KCTD2: variants seen among roughly 807,000 people sequenced by gnomAD.
The protein encoded by KCTD2 is BTB/POZ domain-containing protein KCTD2.
A neutral mutation model predicts 27.9 loss-of-function variants in KCTD2; 18 were observed. The observed-to-expected ratio is 0.64, with a 90% confidence interval of 0.45 to 0.96. The LOEUF (loss-of-function observed/expected upper bound fraction) is 0.96. Ranked by LOEUF, KCTD2 falls within the 40% of genes least tolerant of loss-of-function variation. The probability of loss-of-function intolerance (pLI) is 0.00; values close to 1 mark genes in which losing one functional copy is unlikely to be tolerated. For synonymous variants in KCTD2, 175 were observed against 148.4 expected, an observed-to-expected ratio of 1.18 and a Z score of -1.30; for missense variants, 280 against 348.0, an observed-to-expected ratio of 0.80 and a Z score of 1.56.
Position 75,056,929 on chromosome 17 carries a change from C to A in KCTD2, c.541-2581C>A, listed in dbSNP as rs1320288701. Among the ~76,000 whole-genome samples the A allele has an allele frequency of 2.0e-5, 3 of 147,282 alleles. No homozygotes were observed. In the East Asian group the frequency reaches 5.9e-4, roughly 29 times the overall value. On this transcript the variant is annotated intron_variant, in intron 3 of 5. Coordinates refer to ENST00000322444, the MANE Select transcript of KCTD2 (RefSeq NM_015353.3). ...GTGGCTGCCACCTAACTACTTTCCT[C>A]TGTTTCTTTTTTTTTCTTTTTTCTT...
At chr17:75,059,482 G>A (rs2073382186) in intron 3 of KCTD2, 28 bp from the exon 4 acceptor site, 1 of 1,564,952 alleles carries the variant, frequency 6.4e-7, no homozygotes, top group South Asian at 1.1e-5. Flanking sequence ...CCTTGGTGCT[G>A]TTCTCAGTCT....
At chr17:75,058,174 CTT>C (rs1491366598) in intron 3 of KCTD2, among the ~76,000 whole-genome samples, 3 of 151,590 alleles carry the variant, frequency 2.0e-5, no homozygotes, top group Non-Finnish European at 4.4e-5. Context: ...AAATACAAAA[CTT>C]AGCCAAGCGT....
rs144466941 is a variant in KCTD2 at position 75,047,570 on chromosome 17, C to T, written c.320C>T (p.Pro107Leu). ...FLCRLCCQED[P>L]ELDSDKDETG... ...TGCCGCCTCTGCTGCCAGGAGGACC[C>T]GGAGCTGGACTCAGACAAGGTGTGC... The change falls in exon 1 of 6, where the codon CCG (proline) becomes CTG (leucine). Residue 107 changes from proline to leucine, a missense_variant. Coordinates refer to ENST00000322444, the MANE Select transcript of KCTD2 (RefSeq NM_015353.3). 6.2e-7 allele frequency: 1 copy of T among 1,610,176 alleles called. No individual in the cohort carries two copies.
At chr17:75,051,570 C>T (rs1192620395) in intron 2 of KCTD2, among the ~76,000 whole-genome samples, 1 of 151,182 alleles carries the variant, frequency 6.6e-6, no homozygotes, top group Admixed American at 6.6e-5. Context: ...AGGCGTGAGC[C>T]ACCATGCCCG....
At chr17:75,054,182 TA>T (rs1293789403) in intron 3 of KCTD2, among the ~76,000 whole-genome samples, 1 of 151,808 alleles carries the variant, frequency 6.6e-6, no homozygotes, top group Non-Finnish European at 1.5e-5. Context: ...CACACCTGGC[TA>T]ATTTTTTGTA....
At position 75,039,865 on chromosome 17, in the gene KCTD2, G is replaced by A. The variant is rs909644085; in HGVS notation, c.-259+4508G>A. On this transcript the variant is annotated intron_variant, in intron 3 of 7. Transcript: ENST00000581589. ...CTGTAGACAAACTACATTTTCTAGA[G>A]TCTTACAAAGATGGAATCATATGCT... is the stretch of plus-strand genomic sequence containing the variant. The A allele has an allele frequency of 1.3e-5, 7 of 556,768 alleles. No homozygotes were observed. The African/African-American group carries it at 1.3e-4, about 11-fold the overall frequency. The allele number at this position is 556,768 out of a possible 1,614,324, so 34.5% of individuals were successfully genotyped here.
In KCTD2 at chr17:75,032,693, A is replaced by ACCCT. The variant is rs1461262633; in HGVS notation, c.-500_-497dup. 6.8e-6 allele frequency: 1 copy of ACCCT among 146,198 alleles called. No individual in the cohort carries two copies. The highest frequency in any genetic ancestry group is 2.2e-4 in the East Asian group (1 of 4,554). The allele number at this position is 146,198 out of a possible 1,614,324, so 9.1% of individuals were successfully genotyped here. On this transcript the variant is annotated 5_prime_UTR_variant, in exon 1 of 8. Coordinates refer to the KCTD2 transcript ENST00000581589. The surrounding 1 kb of genome is among the most constrained non-coding windows in gnomAD (Gnocchi z 4.8). ...ATCCAAGACCCAGGGAGACAAGAGG[A>ACCCT]CCCTGGGGACGAATAGGAACAGCTG... is the stretch of plus-strand genomic sequence containing the variant.
intron 3 of KCTD2, among the ~76,000 whole-genome samples, chr17:75,053,364 T>C (rs534582727): frequency 2.0e-5 from 3 of 152,220 alleles, no homozygotes; most frequent in Admixed American, 2.0e-4. Flanking sequence ...CCAGGGCACT[T>C]TAGGTCTAAA....
intron 2 of KCTD2, among the ~76,000 whole-genome samples, chr17:75,051,510 T>C (rs2073286347): frequency 6.6e-6 from 1 of 151,296 alleles, no homozygotes; most frequent in Non-Finnish European, 1.5e-5. Flanking sequence ...GGTCTTGAAC[T>C]CCTGACCTCG....
At chr17:75,036,819 C>G (rs1234754762) in intron 3 of KCTD2, among the ~76,000 whole-genome samples, 1 of 152,220 alleles carries the variant, frequency 6.6e-6, no homozygotes, top group African/African-American at 2.4e-5. Flanking sequence ...ACTTCTGTTA[C>G]GCACATTAAA....
At chr17:75,048,096 A>G (rs2073246932) in intron 1 of KCTD2, among the ~76,000 whole-genome samples, 1 of 152,170 alleles carries the variant, frequency 6.6e-6, no homozygotes, top group Non-Finnish European at 1.5e-5. Context: ...CTGCTTTTCT[A>G]TAGTCCTGGT....
In KCTD2 at chr17:75,047,301, C is replaced by A; in HGVS notation, c.51C>A (p.Gly17=). Residue 17 remains glycine, a synonymous_variant, in exon 1 of 6, where the codon GGC becomes GGA. Transcript: ENST00000322444. ...CGATGGCGGGGCTGGGAGGGGGCGG[C>A]GGGAGTGGGGTGGGCGACGGGGGTG... The part of the protein sequence containing the change: ...DPAMAGLGGG[G]GSGVGDGGGP... 1.7e-6 allele frequency: 1 copy of A among 578,762 alleles called. No individual in the cohort carries two copies. Among genetic ancestry groups the A allele is most frequent in the Non-Finnish European group, 2.2e-6 (1 of 460,006 alleles). 35.9% of individuals were successfully genotyped at this position (578,762 alleles called of 1,614,324 possible).
chr17:75,054,343 CAA>C (rs1231973912), intron 3 of KCTD2, among the ~76,000 whole-genome samples: 2 of 152,210 alleles, frequency 1.3e-5, no homozygotes, highest in Non-Finnish European at 1.5e-5. Flanking sequence ...GATACAGTAA[CAA>C]GAGCGAAAGG....
At chr17:75,047,644 A>G (rs920120132) in intron 1 of KCTD2, 55 bp downstream of exon 1, 1 of 1,545,606 alleles carries the variant, frequency 6.5e-7, no homozygotes, top group South Asian at 1.2e-5. Flanking sequence ...GGTTTCTCGT[A>G]GATCGGTCCC....
intron 3 of KCTD2, among the ~76,000 whole-genome samples, chr17:75,056,952 C>CTTTTTTTTTTTTTTTTTTTTTTTTTTTT (rs35875644): frequency 9.3e-6 from 1 of 107,994 alleles, no homozygotes; most frequent in Non-Finnish European, 1.8e-5. Flanking sequence ...TTTCTTTTTT[C>CTTTTTTTTTTTTTTTTTTTTTTTTTTTT]TTTTTTTTTT....
chr17:75,037,909 C>A (rs1164118166), intron 3 of KCTD2, among the ~76,000 whole-genome samples: 1 of 151,568 alleles, frequency 6.6e-6, no homozygotes, highest in African/African-American at 2.4e-5. Flanking sequence ...ATTAGCCGGG[C>A]GTGATGGCGG....
chr17:75,062,114 C>A lies in KCTD2; in HGVS notation c.637-6C>A. ...ATGAATGTTCACTGTATTCTTGGTT[C>A]ATCAGCTCATCAGCATCGGATCTTC... is the stretch of plus-strand genomic sequence containing the variant. On this transcript the variant is annotated splice_polypyrimidine_tract_variant and splice_region_variant and intron_variant, in intron 4 of 5. Coordinates refer to ENST00000322444, the MANE Select transcript of KCTD2 (RefSeq NM_015353.3). 1 of 1,613,926 alleles carries A rather than the reference C, an allele frequency of 6.2e-7. No individual in the cohort carries two copies. Among genetic ancestry groups the A allele is most frequent in the South Asian group, 1.1e-5 (1 of 91,016 alleles).
chr17:75,033,128 T>G, intron 1 of KCTD2: 1 of 151,592 alleles, frequency 6.6e-6, no homozygotes, highest in East Asian at 1.9e-4. Flanking sequence ...AATAATTTTT[T>G]TTCTTTTTTT....
At chr17:75,035,505 A>T (rs766127013) in intron 3 of KCTD2, 5 of 152,320 alleles carry the variant, frequency 3.3e-5, no homozygotes, top group Non-Finnish European at 7.3e-5. Flanking sequence ...GTCTATCGTT[A>T]TGAAGTTAAA....
Sources: allele counts gnomAD v4.1 joint callset (sites outside exome capture counted in the v4.1 genomes callset), GRCh38; gene constraint gnomAD v4.1.1; non-coding constraint Gnocchi (gnomAD v3.1); transcripts MANE v1.5; gene names NCBI Gene and HGNC (gene_info 2026-07-23, HGNC 2026-07-21).